SUPT3H: variants seen among roughly 807,000 people sequenced by gnomAD.
SUPT3H encodes the protein transcription initiation protein SPT3 homolog.
Under a neutral mutation model 44.3 loss-of-function variants are expected in SUPT3H, and 44 were observed. That is an observed-to-expected ratio of 0.99 (90% CI 0.78 to 1.28). The LOEUF (loss-of-function observed/expected upper bound fraction) is 1.28. SUPT3H is among the 50% of genes most tolerant of loss of function. SUPT3H has a pLI of 0.00. For synonymous variants in SUPT3H, 124 were observed against 125.6 expected (o/e 0.99, Z 0.09); for missense variants, 380 against 387.1 (o/e 0.98, Z 0.15).
rs565657227 is a variant in SUPT3H, at chr6:45,248,699, G to A, written c.101+116502C>T. On this transcript the variant is annotated intron_variant, in intron 2 of 10. Transcript: ENST00000371459. ...TGGGAGGCCAAGGTGGATAGATCAC[G>A]AGGTCAGGAGATCGAGACCACCCTG... Among the ~76,000 whole-genome samples the A allele has an allele frequency of 1.9e-4, 29 of 152,160 alleles. 1 individual carries two copies. The South Asian group carries it at 3.5e-3, about 19-fold the overall frequency.
downstream of SUPT3H, among the ~76,000 whole-genome samples, chr6:44,825,501 G>T (rs1387039805): frequency 1.3e-5 from 2 of 152,126 alleles, no homozygotes; most frequent in African/African-American, 4.8e-5. Flanking sequence ...GGGTACAAAA[G>T]CCAGCTCTAC....
At position 45,130,244 on chromosome 6, in the gene SUPT3H, T is replaced by C. The variant is rs558177461; in HGVS notation, c.102-24238A>G. Among the ~76,000 whole-genome samples the C allele has an allele frequency of 7.9e-5, 12 of 152,326 alleles. 1 individual carries two copies. In the South Asian group the frequency reaches 2.3e-3, roughly 29 times the overall value. On this transcript the variant is annotated intron_variant, in intron 2 of 10. Transcript: ENST00000371459. ...CTTTCTGTCTCTATGAATTTGCATA[T>C]TCTGGATATTTAATAATCGAATTAT...
At chr6:44,933,503 G>T (rs1011664405) in intron 9 of SUPT3H, among the ~76,000 whole-genome samples, 5 of 152,130 alleles carry the variant, frequency 3.3e-5, no homozygotes, top group African/African-American at 1.2e-4. Context: ...TACCAGCTCT[G>T]CCAAGATACA....
intron 2 of SUPT3H, among the ~76,000 whole-genome samples, chr6:45,283,369 CA>C (rs1778556674): frequency 6.6e-6 from 1 of 151,776 alleles, no homozygotes; most frequent in Admixed American, 6.6e-5. Context: ...TACATAGGAT[CA>C]AAATAAAGGG....
chr6:45,294,569 T>A (rs1584760381), intron 2 of SUPT3H, among the ~76,000 whole-genome samples: 1 of 152,024 alleles, frequency 6.6e-6, no homozygotes, highest in African/African-American at 2.4e-5. Flanking sequence ...ATTGTTTACC[T>A]AGAAAACCCT....
chr6:44,834,576 A>C (rs1769465146), intron 10 of SUPT3H, among the ~76,000 whole-genome samples: 1 of 152,178 alleles, frequency 6.6e-6, no homozygotes, highest in Admixed American at 6.5e-5. Context: ...GAACAATAGA[A>C]CTTTGGAATT....
At chr6:45,041,037 TTTCA>T (rs1788453949) in intron 3 of SUPT3H, among the ~76,000 whole-genome samples, 1 of 152,158 alleles carries the variant, frequency 6.6e-6, no homozygotes, top group South Asian at 2.1e-4. Flanking sequence ...TTCAATTCGT[TTTCA>T]TTCATTTACT....
chr6:45,089,754 T>C (rs1439521738), intron 3 of SUPT3H, among the ~76,000 whole-genome samples: 2 of 152,054 alleles, frequency 1.3e-5, no homozygotes, highest in Non-Finnish European at 2.9e-5. Flanking sequence ...GCAACAACTT[T>C]TGCCTAAATA....
At position 44,877,319 on chromosome 6, in the gene SUPT3H, A is replaced by T. The variant is rs146119155; in HGVS notation, c.913-47462T>A. ...CTGTCTCTACTAAAAGCACAAAAAAATTAGCCAGGCGTGGTGGCGCATGCC... is the reference window on the plus strand; with the variant it reads ...CTGTCTCTACTAAAAGCACAAAAAATTTAGCCAGGCGTGGTGGCGCATGCC... On this transcript the variant is annotated intron_variant, in intron 10 of 10. Transcript: ENST00000371459. Among the ~76,000 whole-genome samples the T allele has an allele frequency of 6.5e-3, 995 of 152,232 alleles. 13 individuals are homozygous for T. Among genetic ancestry groups the T allele is most frequent in the African/African-American group, 0.023 (937 of 41,530 alleles).
chr6:45,047,433 A>G (rs915683635), intron 3 of SUPT3H, among the ~76,000 whole-genome samples: 1 of 152,214 alleles, frequency 6.6e-6, no homozygotes, highest in Non-Finnish European at 1.5e-5. Context: ...AGTTCTTAGT[A>G]TGCAAGAAAG....
At chr6:44,946,347 C>A (rs1389902363) in intron 9 of SUPT3H, among the ~76,000 whole-genome samples, 1 of 152,170 alleles carries the variant, frequency 6.6e-6, no homozygotes, top group South Asian at 2.1e-4. Flanking sequence ...AAATATATTT[C>A]ATAAGACTAT....
intron 2 of SUPT3H, among the ~76,000 whole-genome samples, chr6:45,181,801 G>C (rs1280378898): frequency 6.6e-6 from 1 of 151,572 alleles, no homozygotes; most frequent in Non-Finnish European, 1.5e-5. Flanking sequence ...CACCAGCATG[G>C]TACATGTATA....
rs573204106 is a variant in SUPT3H at position 45,295,541 on chromosome 6, A to C, written c.101+69660T>G. 5.4e-3 allele frequency among the ~76,000 whole-genome samples: 798 copies of C among 147,556 alleles called. 17 individuals are homozygous for C. Among genetic ancestry groups the C allele is most frequent in the Middle Eastern group, 0.011 (3 of 282 alleles). The stretch of plus-strand genomic sequence containing the variant: ...TTGCACAGCAAAAAAAAAAAAAAAA[A>C]AAAAAAAAAAAAACAGCAGAGTCAA... On this transcript the variant is annotated intron_variant, in intron 2 of 10. Transcript: ENST00000371459.
At chr6:44,847,445 T>C (rs1488654006) in intron 10 of SUPT3H, among the ~76,000 whole-genome samples, 1 of 152,186 alleles carries the variant, frequency 6.6e-6, no homozygotes, top group Admixed American at 6.5e-5. Flanking sequence ...ATATTACTGG[T>C]TGAATACTAA....
At chr6:44,868,456 G>C (rs1365543123) in intron 10 of SUPT3H, among the ~76,000 whole-genome samples, 1 of 152,188 alleles carries the variant, frequency 6.6e-6, no homozygotes, top group Non-Finnish European at 1.5e-5. Flanking sequence ...TACCTGCCTG[G>C]ATGAGGCTGT....
chr6:45,242,698 T>C (rs146354324), intron 2 of SUPT3H, among the ~76,000 whole-genome samples: 3 of 152,122 alleles, frequency 2.0e-5, no homozygotes, highest in Non-Finnish European at 4.4e-5. Flanking sequence ...TTAAATTGCC[T>C]GGAAAAACAA....
intron 10 of SUPT3H, among the ~76,000 whole-genome samples, chr6:44,867,582 ATAAGCAATTCC>A (rs1013259498): frequency 6.6e-6 from 1 of 152,182 alleles, no homozygotes; most frequent in Admixed American, 6.6e-5. Flanking sequence ...TTAAGCAGTA[ATAAGCAATTCC>A]ATCCCCAATG....
At chr6:45,065,224 G>A (rs1270319901) in intron 3 of SUPT3H, among the ~76,000 whole-genome samples, 10 of 150,320 alleles carry the variant, frequency 6.7e-5, no homozygotes, top group African/African-American at 1.5e-4. Flanking sequence ...GGTACATAAC[G>A]AAATGAAGGC....
At chr6:44,817,512 C>A (rs1279815657) in intron 11 of SUPT3H, among the ~76,000 whole-genome samples, 1 of 151,938 alleles carries the variant, frequency 6.6e-6, no homozygotes, top group Non-Finnish European at 1.5e-5. Flanking sequence ...AAAAACCATA[C>A]AGATTAGAAA....
Sources: allele counts gnomAD v4.1 joint callset (sites outside exome capture counted in the v4.1 genomes callset), GRCh38; gene constraint gnomAD v4.1.1; transcripts MANE v1.5; gene names NCBI Gene and HGNC (gene_info 2026-07-23, HGNC 2026-07-21).